The following CLNK variants were observed in gnomAD, a reference collection of about 807,000 sequenced individuals.
The protein encoded by CLNK is cytokine dependent hematopoietic cell linker.
In CLNK, 74 loss-of-function variants were observed where a neutral mutation model predicts 68.6. The ratio of observed to expected loss-of-function variants is 1.08; its 90% confidence interval spans 0.89 to 1.31. The LOEUF (loss-of-function observed/expected upper bound fraction) is 1.31, where lower values mean the gene tolerates loss of function less well. Ranked by LOEUF, CLNK falls within the 50% of genes most tolerant of loss-of-function variation. CLNK has a pLI of 0.00. For synonymous variants in CLNK, 198 were observed against 172.2 expected, an observed-to-expected ratio of 1.15 and a Z score of -1.17; for missense variants, 553 against 515.3, an observed-to-expected ratio of 1.07 and a Z score of -0.71.
Position 10,525,157 on chromosome 4 carries a change from C to T in CLNK, c.731+684G>A, listed in dbSNP as rs151230860. Among the ~76,000 whole-genome samples, 1,033 of 152,212 alleles carry T rather than the reference C, an allele frequency of 6.8e-3. 12 individuals are homozygous for T. The highest frequency in any genetic ancestry group is 0.023 in the African/African-American group (960 of 41,518). On this transcript the variant is annotated intron_variant, in intron 14 of 18. Transcript: ENST00000226951. ...TTGGCTCACTGCTAGCTCTGCCTCCCGGGTTCACGCCATTCTCCTGCCTCA... is the reference window on the plus strand; with the variant it reads ...TTGGCTCACTGCTAGCTCTGCCTCCTGGGTTCACGCCATTCTCCTGCCTCA...
chr4:10,556,308 T>A (rs1284615241), intron 8 of CLNK, among the ~76,000 whole-genome samples: 1 of 152,258 alleles, frequency 6.6e-6, no homozygotes, highest in Non-Finnish European at 1.5e-5. Context: ...AATAACAGTT[T>A]AATTATAGAA....
chr4:10,722,222 G>C, the CLNK span, among the ~76,000 whole-genome samples: 3 of 152,056 alleles, frequency 2.0e-5, no homozygotes, highest in African/African-American at 4.8e-5. Flanking sequence ...AAAGGAGGGA[G>C]AGCAACTCAC....
intron 4 of CLNK, among the ~76,000 whole-genome samples, chr4:10,574,149 C>T (rs1031549804): frequency 6.6e-6 from 1 of 152,152 alleles, no homozygotes; most frequent in African/African-American, 2.4e-5. Context: ...AAGCCTGATC[C>T]TAACACCGTG....
intron 2 of CLNK, among the ~76,000 whole-genome samples, chr4:10,667,152 A>C (rs1279922729): frequency 6.6e-6 from 1 of 152,144 alleles, no homozygotes; most frequent in Non-Finnish European, 1.5e-5. Context: ...AAGGGAGTTA[A>C]AGTAGGTCTG....
At chr4:10,686,035 A>G (rs1181865799), upstream of CLNK, among the ~76,000 whole-genome samples, 1 of 152,196 alleles carries the variant, frequency 6.6e-6, no homozygotes, top group Non-Finnish European at 1.5e-5. Context: ...ACAGAAGGTC[A>G]AATTGTATTG....
At chr4:10,567,557 C>T (rs1471902089) in intron 5 of CLNK, among the ~76,000 whole-genome samples, 1 of 151,836 alleles carries the variant, frequency 6.6e-6, no homozygotes, top group African/African-American at 2.4e-5. Context: ...AAAATACAAG[C>T]AATAAAAGAA....
chr4:10,695,094 C>G, the CLNK span, among the ~76,000 whole-genome samples: 1 of 152,012 alleles, frequency 6.6e-6, no homozygotes, highest in Non-Finnish European at 1.5e-5. Flanking sequence ...TTCAGTTAGA[C>G]AGGAGGAGTC....
At chr4:10,570,579 G>A (rs1415045147) in intron 5 of CLNK, among the ~76,000 whole-genome samples, 5 of 152,070 alleles carry the variant, frequency 3.3e-5, no homozygotes, top group African/African-American at 4.8e-5. Context: ...GTATGTATAT[G>A]TGTGTTTGTA....
chr4:10,527,550 T>A (rs1265820104), intron 13 of CLNK, among the ~76,000 whole-genome samples: 2 of 152,338 alleles, frequency 1.3e-5, no homozygotes, highest in East Asian at 3.9e-4. Flanking sequence ...TCTAGAAGAA[T>A]GGAGAACAGT....
At position 10,571,468 on chromosome 4, in the gene CLNK, G is replaced by T. The variant is rs1176540987; in HGVS notation, c.150+273C>A. 1.6e-4 allele frequency among the ~76,000 whole-genome samples: 25 copies of T among 151,692 alleles called. No homozygotes were observed. The East Asian group carries it at 4.5e-3, about 27-fold the overall frequency. On this transcript the variant is annotated intron_variant, in intron 5 of 18. Transcript: ENST00000226951. ...TCCTGCCTCAGCCTCGTGAGTAGCT[G>T]GGATTACAGGCTCACACCACCATGC...
intron 18 of CLNK, among the ~76,000 whole-genome samples, chr4:10,494,418 T>C (rs1003653973): frequency 1.3e-5 from 2 of 152,026 alleles, no homozygotes; most frequent in Non-Finnish European, 2.9e-5. Context: ...TAACAGGTAG[T>C]AGGCAGCAAG....
intron 1 of CLNK, among the ~76,000 whole-genome samples, chr4:10,676,265 G>C (rs1274307930): frequency 2.0e-5 from 3 of 152,056 alleles, no homozygotes; most frequent in Non-Finnish European, 4.4e-5. Flanking sequence ...AATATATGCT[G>C]ATTGGATTTC....
At chr4:10,610,229 T>G (rs1388050254) in intron 2 of CLNK, among the ~76,000 whole-genome samples, 2 of 150,516 alleles carry the variant, frequency 1.3e-5, no homozygotes, top group Non-Finnish European at 3.0e-5. Flanking sequence ...GCTAATTTTT[T>G]GTATTTTTAG....
chr4:10,570,315 G>A (rs982236991), intron 5 of CLNK, among the ~76,000 whole-genome samples: 8 of 152,088 alleles, frequency 5.3e-5, no homozygotes, highest in African/African-American at 1.4e-4. Context: ...AGAAGGCTGG[G>A]AAGAACAACC....
At chr4:10,526,497 A>T (rs1718326781) in intron 13 of CLNK, among the ~76,000 whole-genome samples, 3 of 152,230 alleles carry the variant, frequency 2.0e-5, no homozygotes, top group Non-Finnish European at 4.4e-5. Context: ...CGTATGGCTA[A>T]AAAAGACCTT....
At chr4:10,683,702 A>G (rs1177977093) in intron 1 of CLNK, among the ~76,000 whole-genome samples, 1 of 152,194 alleles carries the variant, frequency 6.6e-6, no homozygotes, top group Non-Finnish European at 1.5e-5. Flanking sequence ...AGCTTCTTAG[A>G]GGATTTCTGA....
intron 18 of CLNK, among the ~76,000 whole-genome samples, chr4:10,495,537 A>G (rs964962020): frequency 6.6e-6 from 1 of 152,198 alleles, no homozygotes. Context: ...ATAAATAAGT[A>G]AAGGAGCAGT....
At chr4:10,723,919 A>AGAGAGAGACAGAGAGAGAGAG in the CLNK span, among the ~76,000 whole-genome samples, 13 of 147,996 alleles carry the variant, frequency 8.8e-5, no homozygotes, top group African/African-American at 1.0e-4. Context: ...AGAGAGAGAG[A>AGAGAGAGACAGAGAGAGAGAG]AGGCAGGGCA....
In CLNK at chr4:10,615,553, GA is replaced by G. The variant is rs1196218275; in HGVS notation, c.12-17505del. Among the ~76,000 whole-genome samples the G allele has an allele frequency of 1.1e-4, 17 of 151,396 alleles. No individual in the cohort carries two copies. The East Asian group carries it at 1.2e-3, about 10-fold the overall frequency. ...CAAAACAAAACAAAACACCAAGAAA[GA>G]AAAAAAATGAAAAAGAAGAGCAAAG... is the stretch of plus-strand genomic sequence containing the variant. On this transcript the variant is annotated intron_variant, in intron 2 of 18. Coordinates refer to ENST00000226951, the MANE Select transcript of CLNK (RefSeq NM_052964.4).
Sources: gnomAD v4.1 joint callset for allele counts (sites outside exome capture counted in the v4.1 genomes callset) on GRCh38, gnomAD v4.1.1 for gene constraint, MANE v1.5 for transcripts, NCBI Gene and HGNC (gene_info 2026-07-23, HGNC 2026-07-21) for gene names.